Variants in PACSIN2 observed in about 807,000 individuals in gnomAD.
PACSIN2 encodes the protein protein kinase C and casein kinase substrate in neurons 2.
PACSIN2 carries 25 observed loss-of-function variants against 63.8 expected under a neutral mutation model. That is an observed-to-expected ratio of 0.39 (90% confidence interval 0.29 to 0.55). The LOEUF (loss-of-function observed/expected upper bound fraction) is 0.55. PACSIN2 is among the 20% of genes least tolerant of loss of function. The pLI is 0.62. For missense variants in PACSIN2, 518 were observed against 646.9 expected (o/e 0.80, Z 2.16); for synonymous variants, 255 against 256.2 (o/e 1.00, Z 0.05).
Position 42,937,054 on chromosome 22 carries a change from G to A in PACSIN2, c.-77-24897C>T, listed in dbSNP as rs563436207. On this transcript the variant is annotated intron_variant, in intron 1 of 10. Transcript: ENST00000263246. Reference sequence around the variant, plus strand: ...ATATTGGGTGCCTGTGCAGCCACACGGTGTTCTGAATGCTGGGAATCTAAC... The same window carrying A: ...ATATTGGGTGCCTGTGCAGCCACACAGTGTTCTGAATGCTGGGAATCTAAC... 7.9e-5 allele frequency among the ~76,000 whole-genome samples: 12 copies of A among 152,306 alleles called. No individual in the cohort carries two copies. The East Asian group carries it at 1.2e-3, about 15-fold the overall frequency.
intron 1 of PACSIN2, among the ~76,000 whole-genome samples, chr22:42,990,035 TGTATATATATATATATAC>T (rs1922933378): frequency 4.3e-5 from 1 of 23,262 alleles, no homozygotes; most frequent in Non-Finnish European, 6.9e-5. Context: ...TGTATATATA[TGTATATATATATATATAC>T]ACACACATAT....
Position 42,920,728 on chromosome 22 carries a change from T to A in PACSIN2, c.-77-8571A>T, listed in dbSNP as rs372636914. Among the ~76,000 whole-genome samples the A allele has an allele frequency of 4.9e-4, 74 of 150,474 alleles. No homozygotes were observed. In the East Asian group the frequency reaches 0.014, roughly 29 times the overall value. ...CCTTGGCAGGGTAGGAACGCCAAGC[T>A]CAGGGTTGAGAAATGCAAAGTTGTG... On this transcript the variant is annotated intron_variant, in intron 1 of 10. Transcript: ENST00000263246.
intron 1 of PACSIN2, among the ~76,000 whole-genome samples, chr22:42,939,851 T>C (rs1339851785): frequency 3.9e-5 from 6 of 152,204 alleles, no homozygotes; most frequent in Admixed American, 2.6e-4. Context: ...CTTCGCTAAT[T>C]AACACATCTT....
chr22:42,906,530 C>T (rs891431983), intron 2 of PACSIN2, among the ~76,000 whole-genome samples: 5 of 152,168 alleles, frequency 3.3e-5, no homozygotes, highest in Admixed American at 6.5e-5. Flanking sequence ...CCCCATAGGA[C>T]GACAAAGTCT....
chr22:42,953,887 C>A (rs954278998), intron 1 of PACSIN2, among the ~76,000 whole-genome samples: 1 of 152,166 alleles, frequency 6.6e-6, no homozygotes, highest in African/African-American at 2.4e-5. Flanking sequence ...CGAAATTCAC[C>A]TAAGGAAAGC....
At chr22:42,923,577 G>A (rs1018216097) in intron 1 of PACSIN2, among the ~76,000 whole-genome samples, 12 of 152,094 alleles carry the variant, frequency 7.9e-5, no homozygotes, top group Non-Finnish European at 1.6e-4. Flanking sequence ...ACAGGCGCCC[G>A]CCACCATGCC....
Position 42,896,333 on chromosome 22 carries a change from C to T in PACSIN2, c.61-2720G>A, listed in dbSNP as rs528614171. Among the ~76,000 whole-genome samples, 89 of 152,172 alleles carry T rather than the reference C, an allele frequency of 5.8e-4. 1 individual carries two copies. Among genetic ancestry groups the T allele is most frequent in the African/African-American group, 2.0e-3 (84 of 41,508 alleles). On this transcript the variant is annotated intron_variant, in intron 2 of 10. Coordinates refer to ENST00000263246, the MANE Select transcript of PACSIN2 (RefSeq NM_001184970.3). The stretch of plus-strand genomic sequence containing the variant: ...TGAGACTGATCCATGTTGCTATCTA[C>T]GTCAGAAGGTCACTCTTTCTTACTG...
chr22:42,893,551 G>A lies in PACSIN2; in HGVS notation c.123C>T (p.Leu41=). Reference sequence around the variant, plus strand: ...GCGCCCGCTCATGCAGGCAGTTCATGAGGTCGCTGCACAGGCGGTGGCCAT... The same window carrying A: ...GCGCCCGCTCATGCAGGCAGTTCATAAGGTCGCTGCACAGGCGGTGGCCAT... ...IDDGHRLCSD[L]MNCLHERARI... The change falls in exon 3 of 11, where the codon CTC becomes CTT. Residue 41 remains leucine, a synonymous_variant. Coordinates refer to ENST00000263246, the MANE Select transcript of PACSIN2 (RefSeq NM_001184970.3). The A allele has an allele frequency of 6.2e-7, 1 of 1,614,174 alleles. No individual in the cohort carries two copies. The highest frequency in any genetic ancestry group is 8.5e-7 in the Non-Finnish European group (1 of 1,180,038).
chr22:42,957,103 T>C (rs1933947282), intron 1 of PACSIN2, among the ~76,000 whole-genome samples: 1 of 152,098 alleles, frequency 6.6e-6, no homozygotes, highest in Non-Finnish European at 1.5e-5. Flanking sequence ...ACTTCTTCTC[T>C]AGGATAATGT....
rs563316197 is a variant in PACSIN2, at chr22:42,929,563, G to A, written c.-77-17406C>T. ...TACAGGCAAAAGAATGAGTATCTCAGAACTCCAAAACGATCCTGTCTGGTT... is the reference window on the plus strand; with the variant it reads ...TACAGGCAAAAGAATGAGTATCTCAAAACTCCAAAACGATCCTGTCTGGTT... On this transcript the variant is annotated intron_variant, in intron 1 of 10. Coordinates refer to ENST00000263246, the MANE Select transcript of PACSIN2 (RefSeq NM_001184970.3). Among the ~76,000 whole-genome samples, 26 of 151,776 alleles carry A rather than the reference G, an allele frequency of 1.7e-4. 1 individual carries two copies. In the South Asian group the frequency reaches 5.0e-3, roughly 29 times the overall value.
chr22:42,910,737 C>G (rs1354460750), intron 2 of PACSIN2, among the ~76,000 whole-genome samples: 1 of 152,188 alleles, frequency 6.6e-6, no homozygotes, highest in Non-Finnish European at 1.5e-5. Flanking sequence ...GGGTGCCCCC[C>G]TCACCCCTCC....
intron 1 of PACSIN2, among the ~76,000 whole-genome samples, chr22:42,983,837 T>C (rs1163847183): frequency 1.3e-5 from 2 of 152,168 alleles, no homozygotes; most frequent in Non-Finnish European, 2.9e-5. Context: ...TGACTGGTGG[T>C]CAGTCTCCAT....
chr22:42,898,124 C>T lies in PACSIN2; in HGVS notation c.61-4511G>A, dbSNP rs566850539. On this transcript the variant is annotated intron_variant, in intron 2 of 10. Coordinates refer to ENST00000263246, the MANE Select transcript of PACSIN2 (RefSeq NM_001184970.3). Reference sequence around the variant, plus strand: ...GCTGCTCAGTGGAACCCAGGGCATGCGAGCCAAAAAAGGGAGCTGCCCATC... The same window carrying T: ...GCTGCTCAGTGGAACCCAGGGCATGTGAGCCAAAAAAGGGAGCTGCCCATC... Among the ~76,000 whole-genome samples the T allele has an allele frequency of 5.9e-5, 9 of 152,040 alleles. No homozygotes were observed. The East Asian group carries it at 7.8e-4, about 13-fold the overall frequency.
intron 1 of PACSIN2, among the ~76,000 whole-genome samples, chr22:42,972,526 A>T (rs1003521218): frequency 3.3e-5 from 5 of 152,174 alleles, no homozygotes; most frequent in South Asian, 2.1e-4. Flanking sequence ...ATATATATAT[A>T]TTTTAAACCA....
chr22:42,877,820 C>A (rs989622970), intron 8 of PACSIN2, among the ~76,000 whole-genome samples: 4 of 152,178 alleles, frequency 2.6e-5, no homozygotes, highest in Non-Finnish European at 5.9e-5. Flanking sequence ...CTACCCTGGC[C>A]AGCAGCACCT....
At chr22:42,953,362 A>C (rs984837575) in intron 1 of PACSIN2, among the ~76,000 whole-genome samples, 9 of 152,214 alleles carry the variant, frequency 5.9e-5, no homozygotes, top group Admixed American at 5.9e-4. Flanking sequence ...AGAGAATAAA[A>C]ATCTCACCAG....
At chr22:42,887,053 T>A (rs1162048119) in intron 5 of PACSIN2, among the ~76,000 whole-genome samples, 46 of 152,250 alleles carry the variant, frequency 3.0e-4, no homozygotes, top group Non-Finnish European at 5.9e-5. Flanking sequence ...CCTGGGATTC[T>A]GGCAAAGGCC....
chr22:42,978,682 G>C (rs1921869557), intron 1 of PACSIN2, among the ~76,000 whole-genome samples: 1 of 152,168 alleles, frequency 6.6e-6, no homozygotes, highest in South Asian at 2.1e-4. Context: ...ATGCTTTTTG[G>C]CCTGCAGACG....
chr22:42,994,145 G>T (rs1923237867), intron 1 of PACSIN2, among the ~76,000 whole-genome samples: 1 of 152,176 alleles, frequency 6.6e-6, no homozygotes, highest in Non-Finnish European at 1.5e-5. Context: ...GCCAAGAGAT[G>T]TCATCAGCAA....
Sources: gnomAD v4.1 joint callset for allele counts (sites outside exome capture counted in the v4.1 genomes callset) on GRCh38, gnomAD v4.1.1 for gene constraint, MANE v1.5 for transcripts, NCBI Gene and HGNC (gene_info 2026-07-23, HGNC 2026-07-21) for gene names.